Variants in COL4A2 observed in about 807,000 individuals in gnomAD.
COL4A2 encodes collagen alpha-2(IV) chain.
A neutral mutation model predicts 200.2 loss-of-function variants in COL4A2; 99 were observed. That is an observed-to-expected ratio of 0.49 (90% CI 0.42 to 0.58). COL4A2 has a LOEUF of 0.58. COL4A2 is among the 20% of genes least tolerant of loss of function. The probability of loss-of-function intolerance (pLI) is 0.00; values close to 1 mark genes in which losing one functional copy is unlikely to be tolerated. For missense variants in COL4A2, 1,950 were observed against 2,314.1 expected, an observed-to-expected ratio of 0.84 and a Z score of 3.23; for synonymous variants, 897 against 900.6, an observed-to-expected ratio of 1.00 and a Z score of 0.07.
chr13:110,332,562 T>C (rs1301183840), intron 3 of COL4A2, among the ~76,000 whole-genome samples: 2 of 152,214 alleles, frequency 1.3e-5, no homozygotes, highest in Non-Finnish European at 2.9e-5. Flanking sequence ...TTTTGTCCTC[T>C]TGAGTTTGAA....
rs535848759 is a variant in COL4A2, at chr13:110,445,082, C to A, written c.958-747C>A. On this transcript the variant is annotated intron_variant, in intron 16 of 47. Transcript: ENST00000360467. ...CCCAAGCTGGTCTCAGACTTCTGGGCTCAAGTGATCCTCCCACCTTGGCTT... is the reference window on the plus strand; with the variant it reads ...CCCAAGCTGGTCTCAGACTTCTGGGATCAAGTGATCCTCCCACCTTGGCTT... Among the ~76,000 whole-genome samples, 84 of 152,164 alleles carry A rather than the reference C, an allele frequency of 5.5e-4. No individual in the cohort carries two copies. The Middle Eastern group carries it at 0.017, about 31-fold the overall frequency.
At chr13:110,380,475 CTA>C (rs1455814397) in intron 4 of COL4A2, among the ~76,000 whole-genome samples, 3 of 152,190 alleles carry the variant, frequency 2.0e-5, no homozygotes, top group Non-Finnish European at 4.4e-5. Context: ...AAATAAGTCT[CTA>C]TTTGTATACG....
At chr13:110,316,812 C>T (rs1885140685) in intron 3 of COL4A2, among the ~76,000 whole-genome samples, 1 of 152,130 alleles carries the variant, frequency 6.6e-6, no homozygotes, top group Non-Finnish European at 1.5e-5. Context: ...CTGCTCTTAA[C>T]CACTGGCTAG....
intron 4 of COL4A2, among the ~76,000 whole-genome samples, chr13:110,360,587 C>T (rs1877469942): frequency 6.6e-6 from 1 of 152,208 alleles, no homozygotes; most frequent in African/African-American, 2.4e-5. Context: ...GAAGGAAACA[C>T]CTTGAGTCTC....
intron 4 of COL4A2, among the ~76,000 whole-genome samples, chr13:110,363,507 CG>C (rs1219868616): frequency 1.3e-5 from 2 of 152,034 alleles, no homozygotes; most frequent in African/African-American, 2.4e-5. Context: ...AACGAGTGCT[CG>C]GGGCGGGTTG....
At chr13:110,311,720 T>C (rs1258929962) in intron 3 of COL4A2, among the ~76,000 whole-genome samples, 2 of 152,206 alleles carry the variant, frequency 1.3e-5, no homozygotes, top group African/African-American at 4.8e-5. Flanking sequence ...CTGAGCATTG[T>C]CACCTATCTC....
At chr13:110,364,569 G>T (rs983424693) in intron 4 of COL4A2, among the ~76,000 whole-genome samples, 30 of 152,128 alleles carry the variant, frequency 2.0e-4, no homozygotes, top group African/African-American at 6.8e-4. Context: ...GTTAAATCTC[G>T]CTGGAAAGAA....
chr13:110,388,471 C>G (rs760757489), intron 4 of COL4A2, among the ~76,000 whole-genome samples: 9 of 152,354 alleles, frequency 5.9e-5, no homozygotes, highest in Non-Finnish European at 7.3e-5. Flanking sequence ...GAGCCCTGTA[C>G]TCTGTCATGC....
At chr13:110,330,840 G>A (rs2139361249) in intron 3 of COL4A2, among the ~76,000 whole-genome samples, 1 of 152,224 alleles carries the variant, frequency 6.6e-6, no homozygotes, top group Admixed American at 6.5e-5. Flanking sequence ...TGCCAGCAGA[G>A]TTGCCTGTTT....
rs769448606 is a variant in COL4A2 at position 110,307,939 on chromosome 13, C to T, written c.36C>T (p.Ala12=). 6.2e-7 allele frequency: 1 copy of T among 1,612,978 alleles called. No individual in the cohort carries two copies. The highest frequency in any genetic ancestry group is 1.7e-5 in the Admixed American group (1 of 60,000). Residue 12 remains alanine, a synonymous_variant, in exon 2 of 48, where the codon GCC becomes GCT. Transcript: ENST00000360467. This position sits in a 1 kb window ranked among gnomAD's most constrained non-coding sequence, Gnocchi z 5.0. ...GRDQRAVAGP[A]LRRWLLLGTV... ...ACCAGCGCGCGGTGGCCGGCCCTGC[C>T]CTACGGCGGTAAGCGACTTTCTGCC... is the stretch of plus-strand genomic sequence containing the variant.
intron 28 of COL4A2, among the ~76,000 whole-genome samples, chr13:110,471,652 G>A (rs922720318): frequency 7.2e-5 from 11 of 152,266 alleles, no homozygotes; most frequent in Middle Eastern, 3.4e-3. Context: ...GCTGATTAAC[G>A]TCAGGTTAAT....
At chr13:110,451,531 C>T (rs188806489) in intron 20 of COL4A2, among the ~76,000 whole-genome samples, 1 of 152,190 alleles carries the variant, frequency 6.6e-6, no homozygotes, top group African/African-American at 2.4e-5. Flanking sequence ...ACATGTCCTT[C>T]TTCGTGGCAT....
intron 40 of COL4A2, 139 bp from the exon 41 acceptor site, chr13:110,501,529 C>T: frequency 1.3e-6 from 1 of 790,534 alleles, no homozygotes; most frequent in Non-Finnish European, 2.1e-6. Context: ...TGAGATGTTC[C>T]TTGGCCTGAG....
intron 28 of COL4A2, among the ~76,000 whole-genome samples, chr13:110,470,887 C>G (rs748612371): frequency 2.6e-5 from 4 of 152,144 alleles, no homozygotes; most frequent in African/African-American, 9.7e-5. Flanking sequence ...GACCCTGTTT[C>G]CTTTCATATG....
At chr13:110,438,694 G>A in intron 15 of COL4A2, 26 bp downstream of exon 15, 1 of 1,614,156 alleles carries the variant, frequency 6.2e-7, no homozygotes, top group South Asian at 1.1e-5. Context: ...TATAACTGCA[G>A]TTGTCGGTTT....
At chr13:110,497,175 A>C (rs1883486808) in intron 40 of COL4A2, among the ~76,000 whole-genome samples, 1 of 151,538 alleles carries the variant, frequency 6.6e-6, no homozygotes. Context: ...GCACCAGCAG[A>C]AGCTCCACCC....
intron 20 of COL4A2, among the ~76,000 whole-genome samples, chr13:110,454,290 A>G (rs1881639372): frequency 1.3e-5 from 2 of 152,206 alleles, no homozygotes; most frequent in Non-Finnish European, 2.9e-5. Flanking sequence ...AAAGGAGAGC[A>G]GCAGGGGGCA....
intron 18 of COL4A2, among the ~76,000 whole-genome samples, chr13:110,448,157 A>C (rs1160192280): frequency 2.0e-5 from 3 of 152,230 alleles, no homozygotes; most frequent in Non-Finnish European, 4.4e-5. Context: ...AAAAAGAGCC[A>C]TGAGCCCACT....
chr13:110,375,394 C>T lies in COL4A2; in HGVS notation c.180+17842C>T, dbSNP rs184342254. On this transcript the variant is annotated intron_variant, in intron 4 of 47. Transcript: ENST00000360467. Reference sequence around the variant, plus strand: ...ACGTTTTCTCTTTCTGTGGAACTTCCGCAACAGTCATCCGCAAAATGACAG... The same window carrying T: ...ACGTTTTCTCTTTCTGTGGAACTTCTGCAACAGTCATCCGCAAAATGACAG... Among the ~76,000 whole-genome samples the T allele has an allele frequency of 3.6e-3, 548 of 152,282 alleles. 3 individuals carry two copies. The highest frequency in any genetic ancestry group is 3.8e-3 in the Non-Finnish European group (256 of 68,028).
Sources: allele counts gnomAD v4.1 joint callset (sites outside exome capture counted in the v4.1 genomes callset), GRCh38; gene constraint gnomAD v4.1.1; non-coding constraint Gnocchi (gnomAD v3.1); transcripts MANE v1.5; gene names NCBI Gene and HGNC (gene_info 2026-07-23, HGNC 2026-07-21).